The following PDIA5 variants were observed in gnomAD, a reference collection of about 807,000 sequenced individuals.
PDIA5 encodes the protein protein disulfide isomerase family A member 5, also known as protein disulfide-isomerase A5.
Under a neutral mutation model 77.6 loss-of-function variants are expected in PDIA5, and 58 were observed. The observed-to-expected ratio is 0.75, with a 90% CI of 0.61 to 0.93. PDIA5 has a LOEUF of 0.93. Among genes scored for constraint, PDIA5 ranks in the 40% least tolerant of loss-of-function variants. The pLI, the probability that PDIA5 is intolerant of heterozygous loss-of-function variation, is 0.00. For synonymous variants in PDIA5, 250 were observed against 252.1 expected (o/e 0.99, Z 0.08); for missense variants, 630 against 647.7 (o/e 0.97, Z 0.30).
intron 11 of PDIA5, among the ~76,000 whole-genome samples, chr3:123,133,960 G>A (rs1576457758): frequency 6.6e-6 from 1 of 150,574 alleles, no homozygotes; most frequent in African/African-American, 2.4e-5. Flanking sequence ...TCTTTGCAGT[G>A]TTGTTTGTTT....
intron 1 of PDIA5, among the ~76,000 whole-genome samples, chr3:123,068,048 C>CCATTCCA: frequency 6.6e-6 from 1 of 152,074 alleles, no homozygotes; most frequent in Admixed American, 6.5e-5. Flanking sequence ...GTGTGCCTGC[C>CCATTCCA]GGCCCAGGTC....
intron 1 of PDIA5, among the ~76,000 whole-genome samples, chr3:123,086,689 T>C (rs1428773952): frequency 1.3e-5 from 2 of 152,240 alleles, no homozygotes; most frequent in African/African-American, 4.8e-5. Context: ...CTGGGATTTC[T>C]CTTCACCATC....
chr3:123,089,859 G>A (rs1008951638), intron 2 of PDIA5, among the ~76,000 whole-genome samples: 11 of 152,262 alleles, frequency 7.2e-5, no homozygotes, highest in Non-Finnish European at 1.3e-4. Context: ...CAGGAGCAGC[G>A]GCCTGCCTCT....
intron 7 of PDIA5, among the ~76,000 whole-genome samples, chr3:123,112,863 C>T (rs912389743): frequency 6.6e-6 from 1 of 152,090 alleles, no homozygotes; most frequent in Non-Finnish European, 1.5e-5. Context: ...CCCGGCCCCC[C>T]AAGCCCTGTT....
intron 5 of PDIA5, among the ~76,000 whole-genome samples, chr3:123,105,540 A>G (rs1934703069): frequency 6.6e-6 from 1 of 152,228 alleles, no homozygotes; most frequent in Admixed American, 6.5e-5. Flanking sequence ...TCACAGCTCC[A>G]CTTGGACAGG....
intron 11 of PDIA5, among the ~76,000 whole-genome samples, chr3:123,135,360 G>T (rs935070425): frequency 6.6e-6 from 1 of 152,146 alleles, no homozygotes; most frequent in Non-Finnish European, 1.5e-5. Flanking sequence ...ACCCATGCAG[G>T]TTCTGGGGAT....
At chr3:123,128,773 G>A (rs144146712) in intron 10 of PDIA5, among the ~76,000 whole-genome samples, 12 of 152,102 alleles carry the variant, frequency 7.9e-5, no homozygotes, top group African/African-American at 2.4e-4. Context: ...CAAAAGTCTC[G>A]CTTTCACTTC....
At chr3:123,120,859 A>T (rs1455308859) in intron 8 of PDIA5, among the ~76,000 whole-genome samples, 6 of 150,508 alleles carry the variant, frequency 4.0e-5, no homozygotes, top group Non-Finnish European at 8.9e-5. Context: ...TGCACCCTTC[A>T]TCCTCTCCCT....
intron 8 of PDIA5, among the ~76,000 whole-genome samples, chr3:123,118,621 G>A (rs926635658): frequency 3.3e-5 from 5 of 152,130 alleles, no homozygotes; most frequent in Non-Finnish European, 7.3e-5. Context: ...AGCCAGATAC[G>A]TTCATCTTTG....
intron 5 of PDIA5, 109 bp downstream of exon 5, chr3:123,102,905 T>C (rs1365706784): frequency 1.5e-5 from 11 of 742,892 alleles, no homozygotes; most frequent in Admixed American, 3.9e-5. Flanking sequence ...AAATAGCTCT[T>C]CTAAATGACC....
At chr3:123,140,176 C>T (rs1481551787) in intron 11 of PDIA5, among the ~76,000 whole-genome samples, 2 of 151,846 alleles carry the variant, frequency 1.3e-5, no homozygotes, top group Non-Finnish European at 2.9e-5. Flanking sequence ...TGTTCCAGGG[C>T]CCTGGGGTAG....
Position 123,117,017 on chromosome 3 carries a change from G to C in PDIA5, c.609+719G>C, listed in dbSNP as rs575744088. On this transcript the variant is annotated intron_variant, in intron 8 of 16. Coordinates refer to ENST00000316218, the MANE Select transcript of PDIA5 (RefSeq NM_006810.4). ...GTAGGAGGGGAGCCTGGAGTGTTGT[G>C]GGGGAGAAGAGAGCTGGGAGGGGGG... 6.6e-5 allele frequency among the ~76,000 whole-genome samples: 10 copies of C among 151,622 alleles called. No homozygotes were observed. In the East Asian group the frequency reaches 1.8e-3, roughly 27 times the overall value.
chr3:123,117,374 T>A (rs868755726), intron 8 of PDIA5, among the ~76,000 whole-genome samples: 11 of 79,866 alleles, frequency 1.4e-4, no homozygotes, highest in African/African-American at 5.3e-4. Context: ...TTCTATGATT[T>A]TATATATATA....
At chr3:123,122,780 T>C (rs1210473190) in intron 8 of PDIA5, among the ~76,000 whole-genome samples, 1 of 152,266 alleles carries the variant, frequency 6.6e-6, no homozygotes, top group Non-Finnish European at 1.5e-5. Context: ...TATTGTCCAC[T>C]GAAACGGTTA....
At chr3:123,102,984 C>G (rs569553014) in intron 5 of PDIA5, among the ~76,000 whole-genome samples, 188 bp downstream of exon 5, 86 of 152,346 alleles carry the variant, frequency 5.6e-4, no homozygotes, top group Non-Finnish European at 7.8e-4. Context: ...CTTAACACAA[C>G]AGATTGACCC....
In PDIA5 at chr3:123,103,278, C is replaced by T. The variant is rs558182795; in HGVS notation, c.387+482C>T. Among the ~76,000 whole-genome samples, 78 of 152,334 alleles carry T rather than the reference C, an allele frequency of 5.1e-4. 1 individual carries two copies. Among genetic ancestry groups the T allele is most frequent in the Admixed American group, 1.4e-3 (21 of 15,308 alleles). On this transcript the variant is annotated intron_variant, in intron 5 of 16. Coordinates refer to ENST00000316218, the MANE Select transcript of PDIA5 (RefSeq NM_006810.4). ...TCCAATTTAGAAGTAGATGGAAAAG[C>T]ATAAATGGAAAGAAATATGAGATCC...
chr3:123,073,445 C>T (rs1231698803), intron 1 of PDIA5, among the ~76,000 whole-genome samples: 1 of 152,174 alleles, frequency 6.6e-6, no homozygotes, highest in African/African-American at 2.4e-5. Flanking sequence ...TCCCTGGTGG[C>T]TTTGGCATTG....
At chr3:123,082,658 T>C (rs1395340991) in intron 1 of PDIA5, among the ~76,000 whole-genome samples, 1 of 152,114 alleles carries the variant, frequency 6.6e-6, no homozygotes, top group Non-Finnish European at 1.5e-5. Context: ...CCCGTGTTAC[T>C]GCTGTCCTTG....
chr3:123,076,084 CA>C (rs1933850174), intron 1 of PDIA5, among the ~76,000 whole-genome samples: 1 of 152,096 alleles, frequency 6.6e-6, no homozygotes, highest in Non-Finnish European at 1.5e-5. Context: ...TAGCTCTTTT[CA>C]GCAGGTCACG....
Sources: gnomAD v4.1 joint callset for allele counts (sites outside exome capture counted in the v4.1 genomes callset) on GRCh38, gnomAD v4.1.1 for gene constraint, MANE v1.5 for transcripts, NCBI Gene and HGNC (gene_info 2026-07-23, HGNC 2026-07-21) for gene names.